PIWIL4: variants seen among roughly 807,000 people sequenced by gnomAD.
PIWIL4 encodes the protein piwi-like protein 4.
PIWIL4 carries 50 observed loss-of-function variants against 100.9 expected under a neutral mutation model. The observed-to-expected ratio is 0.50, with a 90% CI of 0.39 to 0.63. The LOEUF (loss-of-function observed/expected upper bound fraction) is 0.63, where lower values mean the gene tolerates loss of function less well. PIWIL4 is among the 20% of genes least tolerant of loss of function. The pLI is 0.00. For synonymous variants in PIWIL4, 342 were observed against 367.5 expected, an observed-to-expected ratio of 0.93 and a Z score of 0.79; for missense variants, 887 against 1,043.3, an observed-to-expected ratio of 0.85 and a Z score of 2.06.
intron 1 of PIWIL4, 31 bp downstream of exon 1, chr11:94,567,636 G>A: frequency 6.4e-6 from 10 of 1,554,180 alleles, no homozygotes; most frequent in Non-Finnish European, 8.7e-6. Flanking sequence ...GCATGGTTTC[G>A]TTTTCTCCTA....
chr11:94,603,844 C>G (rs975426416), intron 12 of PIWIL4, 140 bp from the exon 13 acceptor site: 13 of 561,242 alleles, frequency 2.3e-5, no homozygotes, highest in Non-Finnish European at 4.0e-5. Flanking sequence ...ATTTTAGACT[C>G]AAAAGGTTAT....
intron 15 of PIWIL4, among the ~76,000 whole-genome samples, chr11:94,610,325 A>T (rs1343061820): frequency 6.6e-6 from 1 of 152,126 alleles, no homozygotes; most frequent in Non-Finnish European, 1.5e-5. Context: ...GAATGTAGAT[A>T]TCTGACATAC....
chr11:94,616,437 T>C, intron 15 of PIWIL4, 56 bp from the exon 16 acceptor site: 1 of 1,373,890 alleles, frequency 7.3e-7, no homozygotes, highest in Non-Finnish European at 1.0e-6. Flanking sequence ...TTAATGAATA[T>C]TTATGGTAGA....
chr11:94,567,599 G>T lies in PIWIL4; in HGVS notation c.81G>T (p.Ser27=), dbSNP rs569857568. Residue 27 remains serine, a synonymous_variant, in exon 1 of 20, where the codon TCG becomes TCT. Coordinates refer to ENST00000299001, the MANE Select transcript of PIWIL4 (RefSeq NM_152431.3). ...CAGAAGTGGGGCGCATCCAAGCCTC[G>T]CCATTGGTGTGTAGAATGCTTATTG... The part of the protein sequence containing the change: ...SATEVGRIQA[S]PLPRSVDLSN... The T allele has an allele frequency of 1.2e-6, 2 of 1,602,840 alleles. No individual in the cohort carries two copies. The highest frequency in any genetic ancestry group is 1.7e-5 in the Admixed American group (1 of 58,826).
intron 2 of PIWIL4, among the ~76,000 whole-genome samples, chr11:94,572,995 G>A (rs1948181104): frequency 6.6e-6 from 1 of 152,142 alleles, no homozygotes; most frequent in Non-Finnish European, 1.5e-5. Flanking sequence ...TCCTTGAAGA[G>A]GTCATTCACA....
In PIWIL4 at chr11:94,575,385, TA is replaced by T. The variant is rs141325971; in HGVS notation, c.298+260del. Among the ~76,000 whole-genome samples the T allele has an allele frequency of 8.1e-3, 1,236 of 152,260 alleles. 15 individuals are homozygous for T. The highest frequency in any genetic ancestry group is 0.028 in the African/African-American group (1,153 of 41,550). On this transcript the variant is annotated intron_variant, in intron 3 of 19. Coordinates refer to ENST00000299001, the MANE Select transcript of PIWIL4 (RefSeq NM_152431.3). ...TTTCTTCATATACTGGGGTGGGAGT[TA>T]AAAAGATGTTTCTTCTCTTTCCCAA...
At position 94,593,607 on chromosome 11, in the gene PIWIL4, C is replaced by G. The variant is rs745915474; in HGVS notation, c.1116C>G (p.Leu372=). The G allele has an allele frequency of 6.2e-7, 1 of 1,613,958 alleles. No homozygotes were observed. The highest frequency in any genetic ancestry group is 1.3e-5 in the African/African-American group (1 of 75,024). Residue 372 remains leucine (L), a synonymous_variant, in exon 9 of 20, where the codon CTC becomes CTG. Coordinates refer to ENST00000299001, the MANE Select transcript of PIWIL4 (RefSeq NM_152431.3). ...GAAATGACAACAGTGAGGCTCAGCTCGCCCACCTGATACCTGAGCTCTGCT... is the reference window on the plus strand; with the variant it reads ...GAAATGACAACAGTGAGGCTCAGCTGGCCCACCTGATACCTGAGCTCTGCT... ...KKRNDNSEAQ[L]AHLIPELCFL...
intron 4 of PIWIL4, among the ~76,000 whole-genome samples, chr11:94,579,883 G>A (rs1043566558): frequency 6.6e-6 from 1 of 152,140 alleles, no homozygotes; most frequent in Non-Finnish European, 1.5e-5. Context: ...CATTAAAAAT[G>A]TTCTTGTAGA....
chr11:94,596,347 G>T lies in PIWIL4; in HGVS notation c.1268+921G>T, dbSNP rs184652445. ...AAAGAAAGGAGAGAGAAAAGAGTGTGTATGTGTGTTTACTCAGTAAATATT... is the reference window on the plus strand; with the variant it reads ...AAAGAAAGGAGAGAGAAAAGAGTGTTTATGTGTGTTTACTCAGTAAATATT... On this transcript the variant is annotated intron_variant, in intron 10 of 19. Transcript: ENST00000299001. Among the ~76,000 whole-genome samples, 352 of 151,724 alleles carry T rather than the reference G, an allele frequency of 2.3e-3. 2 individuals are homozygous for T. Among genetic ancestry groups the T allele is most frequent in the Non-Finnish European group, 3.8e-3 (259 of 67,934 alleles).
rs624184 is a variant in PIWIL4, at chr11:94,601,911, C to T, written c.1497C>T (p.Ala499=). ...GTAGCGACAGAACTGAATATGTTGC[C>T]GAGAGCTTTCTGAACTGCTTGAGAA... ...ILCSDRTEYV[A]ESFLNCLRRV... Residue 499 remains alanine, a synonymous_variant, in exon 12 of 20, where the codon GCC becomes GCT. Transcript: ENST00000299001. The T allele has an allele frequency of 0.098, 158,922 of 1,613,524 alleles. 9,164 individuals carry two copies. Among genetic ancestry groups the T allele is most frequent in the Admixed American group, 0.19 (11,353 of 59,918 alleles).
rs551253449 is a variant in PIWIL4 at position 94,620,134 on chromosome 11, A to G, written c.2432A>G (p.Tyr811Cys). The G allele has an allele frequency of 3.1e-6, 5 of 1,592,606 alleles. 1 individual carries two copies. The South Asian group carries it at 5.7e-5, about 18-fold the overall frequency. ...ACATTCAAATTGTGCCACCTGTACT[A>G]CAACTGGCCGGTGAGTGAAAGCTGT... is the stretch of plus-strand genomic sequence containing the variant. Reference protein sequence around the residue: ...RLTFKLCHLYYNWPGIVSVPA... With the variant: ...RLTFKLCHLYCNWPGIVSVPA... The change falls in exon 19 of 20, where the codon TAC becomes TGC. Residue 811 changes from tyrosine (Y) to cysteine (C), a missense_variant. Tyr to Cys is a radical substitution (Grantham distance 194, BLOSUM62 -2). This residue lies in a region of PIWIL4 where 741 missense variants were observed against 930.0 expected (regional missense o/e 0.80). Coordinates refer to ENST00000299001, the MANE Select transcript of PIWIL4 (RefSeq NM_152431.3).
intron 15 of PIWIL4, among the ~76,000 whole-genome samples, chr11:94,613,418 A>G (rs1219489538): frequency 6.6e-6 from 1 of 152,106 alleles, no homozygotes; most frequent in Non-Finnish European, 1.5e-5. Context: ...TTTGATTGTA[A>G]TATGTCTTGG....
intron 2 of PIWIL4, among the ~76,000 whole-genome samples, chr11:94,573,081 T>C (rs1418054410): frequency 1.3e-5 from 2 of 152,170 alleles, no homozygotes; most frequent in East Asian, 3.8e-4. Flanking sequence ...ATGATTTGGC[T>C]CTCTGTTTGT....
chr11:94,614,804 T>TG (rs1020612021), intron 15 of PIWIL4, among the ~76,000 whole-genome samples: 12 of 152,140 alleles, frequency 7.9e-5, no homozygotes, highest in African/African-American at 2.4e-4. Flanking sequence ...TCTCACTTGG[T>TG]GGGGGGATCC....
At chr11:94,569,965 A>G (rs975900076) in intron 2 of PIWIL4, among the ~76,000 whole-genome samples, 1 of 152,208 alleles carries the variant, frequency 6.6e-6, no homozygotes, top group Non-Finnish European at 1.5e-5. Context: ...ACGCATTTTT[A>G]AAAAAGCAGA....
chr11:94,610,023 C>A (rs760653273), intron 15 of PIWIL4, among the ~76,000 whole-genome samples: 7 of 152,144 alleles, frequency 4.6e-5, no homozygotes, highest in Non-Finnish European at 8.8e-5. Flanking sequence ...ACCCTTCAAA[C>A]AACATCAAAT....
chr11:94,602,515 T>C (rs941270993), intron 12 of PIWIL4, among the ~76,000 whole-genome samples: 7 of 152,242 alleles, frequency 4.6e-5, no homozygotes, highest in African/African-American at 1.7e-4. Context: ...AGAATGTTTA[T>C]TGAGTACTAA....
intron 10 of PIWIL4, among the ~76,000 whole-genome samples, chr11:94,596,130 CTT>C (rs771176016): frequency 3.3e-5 from 5 of 151,896 alleles, no homozygotes; most frequent in Non-Finnish European, 5.9e-5. Context: ...TAATTTCACA[CTT>C]GTCATTTTTT....
At chr11:94,587,489 T>A (rs1233777233) in intron 7 of PIWIL4, among the ~76,000 whole-genome samples, 1 of 152,202 alleles carries the variant, frequency 6.6e-6, no homozygotes, top group East Asian at 1.9e-4. Context: ...CACTCTCTAT[T>A]CTAACCCCCA....
Sources: allele counts gnomAD v4.1 joint callset (sites outside exome capture counted in the v4.1 genomes callset), GRCh38; gene constraint gnomAD v4.1.1; regional missense constraint gnomAD v4.1.1; transcripts MANE v1.5; gene names NCBI Gene and HGNC (gene_info 2026-07-23, HGNC 2026-07-21).